Variants in DPY30 observed in about 807,000 individuals in gnomAD.
The protein encoded by DPY30 is dpy-30 histone methyltransferase complex regulatory subunit.
DPY30 carries 6 observed loss-of-function variants against 16.2 expected under a neutral mutation model. The observed-to-expected ratio is 0.37, with a 90% confidence interval of 0.20 to 0.73. DPY30 has a LOEUF of 0.73. DPY30 is among the 30% of genes least tolerant of loss of function. The probability of loss-of-function intolerance (pLI) is 0.51; values close to 1 mark genes in which losing one functional copy is unlikely to be tolerated. For missense variants in DPY30, 73 were observed against 113.1 expected (o/e 0.65, Z 1.61); for synonymous variants, 39 against 38.8 (o/e 1.00, Z -0.02).
chr2:32,023,314 A>G (rs578001404), downstream of DPY30: 1 of 404,450 alleles, frequency 2.5e-6, no homozygotes, highest in South Asian at 1.9e-5. Flanking sequence ...ACAGGGGACA[A>G]TGAGAATAGA....
At chr2:32,033,937 G>C (rs778280766) in intron 3 of DPY30, among the ~76,000 whole-genome samples, 9 of 152,174 alleles carry the variant, frequency 5.9e-5, no homozygotes, top group Middle Eastern at 3.2e-3. Flanking sequence ...TACTATGACT[G>C]TCCCAGCTTA....
downstream of DPY30, chr2:32,023,810 T>G (rs970108276): frequency 1.2e-5 from 16 of 1,307,920 alleles, no homozygotes; most frequent in Middle Eastern, 2.1e-4. Context: ...TGTAAAACTC[T>G]GCAGCATTTG....
rs573537275 is a variant in DPY30, at chr2:32,030,812, A to C, written c.85-1076T>G. ...AGGCCCTGTCTCTAAATAAATAAAT[A>C]AATCTATGATTTTTAAAAATGAACA... On this transcript the variant is annotated intron_variant, in intron 3 of 4. Coordinates refer to ENST00000342166, the MANE Select transcript of DPY30 (RefSeq NM_001321209.2). Among the ~76,000 whole-genome samples, 62 of 152,122 alleles carry C rather than the reference A, an allele frequency of 4.1e-4. No individual in the cohort carries two copies. In the South Asian group the frequency reaches 5.8e-3, roughly 14 times the overall value.
chr2:32,028,038 A>G (rs1320340514), intron 4 of DPY30, among the ~76,000 whole-genome samples: 1 of 152,112 alleles, frequency 6.6e-6, no homozygotes, highest in Non-Finnish European at 1.5e-5. Context: ...CTGCTCATTC[A>G]TATAGTTTTT....
At chr2:32,030,761 T>C (rs1366524924) in intron 3 of DPY30, among the ~76,000 whole-genome samples, 2 of 152,074 alleles carry the variant, frequency 1.3e-5, no homozygotes, top group Admixed American at 1.3e-4. Context: ...ATCATGCCAC[T>C]GTACTCTAGC....
At chr2:32,030,064 CA>C (rs398042393) in intron 3 of DPY30, among the ~76,000 whole-genome samples, 2,004 of 102,648 alleles carry the variant, frequency 0.02, 23 homozygotes, top group African/African-American at 0.044. Context: ...AGTGTGTTCC[CA>C]AAAAAAAAAA....
intron 4 of DPY30, among the ~76,000 whole-genome samples, chr2:32,024,670 ATGTGTAATATTC>A (rs1553387130): frequency 1.3e-5 from 2 of 152,218 alleles, no homozygotes; most frequent in Non-Finnish European, 2.9e-5. Context: ...TACCTATGAT[ATGTGTAATATTC>A]TGTGTAATAT....
chr2:32,032,825 G>A (rs149264960), intron 3 of DPY30, among the ~76,000 whole-genome samples: 5 of 152,052 alleles, frequency 3.3e-5, no homozygotes, highest in East Asian at 3.9e-4. Context: ...GTGAAACCCC[G>A]TCTCTACTAA....
intron 3 of DPY30, among the ~76,000 whole-genome samples, chr2:32,035,204 G>C (rs187202866): frequency 2.0e-5 from 3 of 151,996 alleles, no homozygotes; most frequent in Admixed American, 2.0e-4. Flanking sequence ...GATCACTTAA[G>C]ACCAGGAGTT....
chr2:32,033,493 A>C (rs1675621484), intron 3 of DPY30, among the ~76,000 whole-genome samples: 1 of 151,916 alleles, frequency 6.6e-6, no homozygotes, highest in South Asian at 2.1e-4. Context: ...GCCAACATGG[A>C]GAAACCACAA....
chr2:32,025,084 C>T (rs1006614940), intron 4 of DPY30, among the ~76,000 whole-genome samples: 1 of 152,116 alleles, frequency 6.6e-6, no homozygotes, highest in South Asian at 2.1e-4. Context: ...TTAAACAGCC[C>T]TAAGAGCTGT....
In DPY30 at chr2:32,034,119, G is replaced by T. The variant is rs938720434; in HGVS notation, c.85-4383C>A. Among the ~76,000 whole-genome samples the T allele has an allele frequency of 7.8e-4, 118 of 152,168 alleles. 3 individuals carry two copies. The highest frequency in any genetic ancestry group is 1.3e-4 in the Non-Finnish European group (9 of 68,040). ...AGAAAGGCGCATGGAGACAAGAACT[G>T]CACAGAAAGAGACTAAACATATTGC... On this transcript the variant is annotated intron_variant, in intron 3 of 4. Coordinates refer to ENST00000342166, the MANE Select transcript of DPY30 (RefSeq NM_001321209.2).
Position 32,030,495 on chromosome 2 carries a change from T to C in DPY30, c.85-759A>G, listed in dbSNP as rs567904391. Among the ~76,000 whole-genome samples the C allele has an allele frequency of 2.5e-4, 38 of 151,990 alleles. No individual in the cohort carries two copies. The South Asian group carries it at 7.7e-3, about 31-fold the overall frequency. ...AATACAAACAATTCCCCGGGCGTGG[T>C]GGCAGGCGCCTGTAGTCCCACTTAC... On this transcript the variant is annotated intron_variant, in intron 3 of 4. Transcript: ENST00000342166.
At chr2:32,037,945 C>CTGTTAA (rs1675809005) in intron 3 of DPY30, among the ~76,000 whole-genome samples, 1 of 151,900 alleles carries the variant, frequency 6.6e-6, no homozygotes, top group Non-Finnish European at 1.5e-5. Context: ...ATAGTAATAG[C>CTGTTAA]TGTTAATATT....
At chr2:32,015,218 T>TAGATC (rs1675041874) in intron 5 of DPY30, among the ~76,000 whole-genome samples, 1 of 152,166 alleles carries the variant, frequency 6.6e-6, no homozygotes, top group African/African-American at 2.4e-5. Context: ...GAAAGCCCTA[T>TAGATC]AGATCAGAAA....
At position 32,036,735 on chromosome 2, in the gene DPY30, G is replaced by A. The variant is rs565456825; in HGVS notation, c.84+2544C>T. Among the ~76,000 whole-genome samples, 158 of 149,986 alleles carry A rather than the reference G, an allele frequency of 1.1e-3. 1 individual carries two copies. The highest frequency in any genetic ancestry group is 3.8e-3 in the African/African-American group (156 of 40,752). On this transcript the variant is annotated intron_variant, in intron 3 of 4. Coordinates refer to ENST00000342166, the MANE Select transcript of DPY30 (RefSeq NM_001321209.2). ...ACAAAAAAATTAGCCGGGCATGGTT[G>A]GCGGGTGCCTGTAGTCCCACCTACT...
intron 5 of DPY30, among the ~76,000 whole-genome samples, chr2:32,018,757 T>C (rs528728774): frequency 2.0e-5 from 3 of 151,498 alleles, no homozygotes; most frequent in African/African-American, 7.3e-5. Context: ...TGGTGGCTCA[T>C]GCCTGTAATC....
chr2:32,039,735 G>A lies in DPY30; in HGVS notation c.-39C>T, dbSNP rs1675894540. 1.8e-6 allele frequency: 1 copy of A among 555,400 alleles called. No individual in the cohort carries two copies. The allele number at this position is 555,400 out of a possible 1,614,324, so 34.4% of individuals were successfully genotyped here. ...GTGGGGGAAAGGGAGCTGATTACCC[G>A]CGCCCAAGCCGTTCGTTCTTAAGAG... On this transcript the variant is annotated splice_region_variant and 5_prime_UTR_variant, in exon 1 of 5. Coordinates refer to ENST00000342166, the MANE Select transcript of DPY30 (RefSeq NM_001321209.2).
chr2:32,021,772 AC>A (rs1476499824), downstream of DPY30, among the ~76,000 whole-genome samples: 1 of 151,722 alleles, frequency 6.6e-6, no homozygotes, highest in Non-Finnish European at 1.5e-5. Context: ...CATAAATAAT[AC>A]TTATATTATG....
Sources: gnomAD v4.1 joint callset for allele counts (sites outside exome capture counted in the v4.1 genomes callset) on GRCh38, gnomAD v4.1.1 for gene constraint, MANE v1.5 for transcripts, NCBI Gene and HGNC (gene_info 2026-07-23, HGNC 2026-07-21) for gene names.